Variants in WDR59 observed in about 807,000 individuals in gnomAD.
The protein encoded by WDR59 is GATOR2 complex protein WDR59.
WDR59 carries 100 observed loss-of-function variants against 131.2 expected under a neutral mutation model. The observed-to-expected ratio is 0.76, with a 90% CI of 0.65 to 0.90. The LOEUF (loss-of-function observed/expected upper bound fraction) is 0.90. Among genes scored for constraint, WDR59 ranks in the 40% least tolerant of loss-of-function variants. WDR59 has a pLI of 0.00. For synonymous variants in WDR59, 601 were observed against 466.2 expected, an observed-to-expected ratio of 1.29 and a Z score of -3.72; for missense variants, 1,203 against 1,262.2, an observed-to-expected ratio of 0.95 and a Z score of 0.71.
At chr16:74,954,484 T>A (rs572616323) in intron 3 of WDR59, among the ~76,000 whole-genome samples, 22 of 152,250 alleles carry the variant, frequency 1.4e-4, no homozygotes, top group African/African-American at 1.9e-4. Context: ...ATAATTTTTT[T>A]AAAAATACAA....
intron 16 of WDR59, 142 bp from the exon 17 acceptor site, chr16:74,909,119 G>A (rs1445539302): frequency 5.5e-6 from 4 of 721,158 alleles, no homozygotes; most frequent in African/African-American, 5.3e-5. Context: ...ACTCCTGACT[G>A]CAGTCACCCT....
At chr16:74,937,532 C>T (rs981106641) in intron 8 of WDR59, among the ~76,000 whole-genome samples, 2 of 152,144 alleles carry the variant, frequency 1.3e-5, no homozygotes, top group Non-Finnish European at 2.9e-5. Context: ...GGCAGAGGCT[C>T]GCTCGGTCGC....
At chr16:74,958,785 G>A (rs1040480416) in intron 2 of WDR59, among the ~76,000 whole-genome samples, 12 of 151,884 alleles carry the variant, frequency 7.9e-5, no homozygotes, top group South Asian at 2.1e-4. Context: ...TAAGGAGGCC[G>A]GGCACAGTGG....
intron 4 of WDR59, among the ~76,000 whole-genome samples, chr16:74,951,159 CAAAAAAAA>C (rs71378721): frequency 1.3e-5 from 1 of 74,654 alleles, no homozygotes; most frequent in African/African-American, 5.5e-5. Context: ...GACTTCGTCT[CAAAAAAAA>C]AAAAAAAAAA....
chr16:74,918,731 G>A (rs1305673743), intron 10 of WDR59, among the ~76,000 whole-genome samples: 1 of 152,186 alleles, frequency 6.6e-6, no homozygotes, highest in Non-Finnish European at 1.5e-5. Context: ...CACCTTCAGA[G>A]AGCAAAGATT....
chr16:74,981,650 A>ATTT (rs1567450909), intron 1 of WDR59, among the ~76,000 whole-genome samples: 3 of 4,914 alleles, frequency 6.1e-4, no homozygotes, highest in Non-Finnish European at 9.2e-4. Context: ...ATATATATAT[A>ATTT]TATATATATA....
intron 3 of WDR59, among the ~76,000 whole-genome samples, chr16:74,952,048 C>T (rs2033033422): frequency 6.6e-6 from 1 of 151,574 alleles, no homozygotes; most frequent in South Asian, 2.1e-4. Context: ...AACTCCTAGG[C>T]TCAAACAATC....
At chr16:74,903,581 G>A (rs1215419831) in intron 18 of WDR59, among the ~76,000 whole-genome samples, 1 of 151,888 alleles carries the variant, frequency 6.6e-6, no homozygotes. Context: ...CAAGACTCCA[G>A]AGGCATTCCT....
intron 10 of WDR59, 115 bp from the exon 11 acceptor site, chr16:74,918,123 T>C: frequency 1.0e-6 from 1 of 953,438 alleles, no homozygotes; most frequent in Non-Finnish European, 1.7e-6. Flanking sequence ...ACTGAACATT[T>C]CTCATATGCC....
intron 8 of WDR59, among the ~76,000 whole-genome samples, chr16:74,925,942 A>G (rs1039226776): frequency 1.3e-5 from 2 of 151,510 alleles, no homozygotes; most frequent in African/African-American, 4.9e-5. Context: ...CTATGATCAT[A>G]CCACTGCACT....
At position 74,916,223 on chromosome 16, in the gene WDR59, A is replaced by T; in HGVS notation, c.1003T>A (p.Phe335Ile). Residue 335 changes from phenylalanine (F) to isoleucine (I), a missense_variant, in exon 12 of 26, where the codon TTC (phenylalanine) becomes ATC (isoleucine). Coordinates refer to ENST00000262144, the MANE Select transcript of WDR59 (RefSeq NM_030581.4). The stretch of plus-strand genomic sequence containing the variant: ...GGCAGAAGGGAAATACTCTCAATGA[A>T]CTCATCAACACCATCTAATATGTCA... ...ANDILDGVDE[F>I]IESISLLPEP... 1.9e-6 allele frequency: 3 copies of T among 1,614,062 alleles called. No individual in the cohort carries two copies. The East Asian group carries it at 6.7e-5, about 36-fold the overall frequency.
chr16:74,950,443 C>A (rs1029809017), intron 4 of WDR59, among the ~76,000 whole-genome samples: 1 of 152,224 alleles, frequency 6.6e-6, no homozygotes, highest in Non-Finnish European at 1.5e-5. Flanking sequence ...ACCAGAGGCA[C>A]CTTGGGTAAA....
chr16:74,956,703 A>C (rs2033310315), intron 2 of WDR59, 93 bp from the exon 3 acceptor site: 2 of 1,498,290 alleles, frequency 1.3e-6, no homozygotes, highest in East Asian at 4.7e-5. Flanking sequence ...TACAATTTGC[A>C]AGCAGTGCTC....
At chr16:74,976,901 A>C (rs780995450) in intron 1 of WDR59, among the ~76,000 whole-genome samples, 31 of 152,040 alleles carry the variant, frequency 2.0e-4, no homozygotes, top group Non-Finnish European at 3.7e-4. Context: ...CAACTACTTA[A>C]GAGGCCAAGG....
chr16:74,959,540 A>G (rs111306149), intron 2 of WDR59: 16 of 454,100 alleles, frequency 3.5e-5, no homozygotes, highest in African/African-American at 1.0e-4. Flanking sequence ...AGGCAGAAGC[A>G]TCGCTTGAGG....
At chr16:74,881,352 T>C (rs1187639458) in intron 25 of WDR59, among the ~76,000 whole-genome samples, 2 of 152,020 alleles carry the variant, frequency 1.3e-5, no homozygotes, top group Non-Finnish European at 2.9e-5. Flanking sequence ...TTGGGGTATT[T>C]TTTTTCTTTA....
intron 21 of WDR59, 73 bp from the exon 22 acceptor site, chr16:74,888,392 C>CGTGTTACTG (rs1964877874): frequency 1.4e-6 from 2 of 1,456,302 alleles, no homozygotes; most frequent in Non-Finnish European, 1.9e-6. Context: ...ACAGTCATGG[C>CGTGTTACTG]GTGTTACTGC....
At chr16:74,892,056 G>A (rs1428481090) in intron 20 of WDR59, among the ~76,000 whole-genome samples, 1 of 152,114 alleles carries the variant, frequency 6.6e-6, no homozygotes, top group Admixed American at 6.5e-5. Context: ...CTGATATGTT[G>A]CTGCAAAGAT....
intron 7 of WDR59, among the ~76,000 whole-genome samples, chr16:74,941,304 A>G (rs1359019643): frequency 2.0e-5 from 3 of 149,744 alleles, no homozygotes; most frequent in East Asian, 2.0e-4. Flanking sequence ...TTACACTACT[A>G]CACTCCAGTC....
Sources: allele counts gnomAD v4.1 joint callset (sites outside exome capture counted in the v4.1 genomes callset), GRCh38; gene constraint gnomAD v4.1.1; transcripts MANE v1.5; gene names NCBI Gene and HGNC (gene_info 2026-07-23, HGNC 2026-07-21).